The following UEVLD variants were observed in gnomAD, a reference collection of about 807,000 sequenced individuals.
UEVLD encodes UEV and lactate/malate dehyrogenase domains.
In UEVLD, 47 loss-of-function variants were observed where a neutral mutation model predicts 58.6. That is an observed-to-expected ratio of 0.80 (90% confidence interval 0.63 to 1.02). The LOEUF is 1.02. Among genes scored for constraint, UEVLD ranks in the 50% least tolerant of loss-of-function variants. The pLI is 0.00. For missense variants in UEVLD, 510 were observed against 550.6 expected (o/e 0.93, Z 0.74); for synonymous variants, 197 against 195.3 (o/e 1.01, Z -0.07).
chr11:18,584,512 T>A (rs947036396), intron 1 of UEVLD, among the ~76,000 whole-genome samples: 2 of 152,244 alleles, frequency 1.3e-5, no homozygotes, highest in African/African-American at 4.8e-5. Context: ...ACATACATTG[T>A]CCAATATGAT....
At chr11:18,581,305 T>C (rs773023176) in intron 1 of UEVLD, among the ~76,000 whole-genome samples, 4 of 152,050 alleles carry the variant, frequency 2.6e-5, no homozygotes, top group Non-Finnish European at 5.9e-5. Context: ...AAACTACAAA[T>C]TGACACAAAG....
chr11:18,542,076 T>C (rs1246674099), intron 9 of UEVLD, among the ~76,000 whole-genome samples: 12 of 152,168 alleles, frequency 7.9e-5, no homozygotes, highest in Non-Finnish European at 1.5e-5. Flanking sequence ...AATTTAATGG[T>C]TTGGTCAGAG....
At chr11:18,558,698 C>T (rs557571234) in intron 6 of UEVLD, among the ~76,000 whole-genome samples, 3 of 151,156 alleles carry the variant, frequency 2.0e-5, no homozygotes, top group South Asian at 2.1e-4. Context: ...GCAGGAGAAT[C>T]GCTTGAACCC....
chr11:18,588,612 C>G lies in UEVLD; in HGVS notation c.42+1G>C. 1 of 1,610,302 alleles carries G rather than the reference C, an allele frequency of 6.2e-7. No individual in the cohort carries two copies. ...AAACTGGCCCAGCGGACTGCCCGCA[C>G]CTTGCCAAGCAGCCGTCTCAGGCCC... On this transcript the variant is annotated splice_donor_variant, in intron 1 of 11. Transcript: ENST00000396197. LOFTEE classifies it high-confidence loss of function.
chr11:18,585,283 T>A (rs186614303), intron 1 of UEVLD, among the ~76,000 whole-genome samples: 1 of 152,210 alleles, frequency 6.6e-6, no homozygotes, highest in Non-Finnish European at 1.5e-5. Context: ...ACGGTTTGCA[T>A]ATTCTGAGCC....
At chr11:18,568,538 C>A (rs1300344687) in intron 4 of UEVLD, among the ~76,000 whole-genome samples, 1 of 152,070 alleles carries the variant, frequency 6.6e-6, no homozygotes, top group Non-Finnish European at 1.5e-5. Flanking sequence ...CCATTTTTGT[C>A]CTTCCAACTG....
At chr11:18,563,336 C>G (rs917510371) in intron 6 of UEVLD, among the ~76,000 whole-genome samples, 36 of 151,602 alleles carry the variant, frequency 2.4e-4, no homozygotes, top group African/African-American at 6.3e-4. Context: ...CATGCTTGTA[C>G]TCCCAGCACT....
chr11:18,567,030 GTCTT>G (rs1006120489), intron 4 of UEVLD, among the ~76,000 whole-genome samples: 50 of 152,078 alleles, frequency 3.3e-4, no homozygotes, highest in African/African-American at 1.2e-3. Context: ...TGCTTGTTTA[GTCTT>G]TCTCTCTCTA....
intron 7 of UEVLD, among the ~76,000 whole-genome samples, chr11:18,547,608 C>A (rs566797480): frequency 6.6e-6 from 1 of 152,196 alleles, no homozygotes; most frequent in South Asian, 2.1e-4. Flanking sequence ...AACCTACAAA[C>A]AAGAACTGAG....
chr11:18,558,361 A>G, intron 6 of UEVLD, 31 bp from the exon 7 acceptor site: 1 of 1,431,488 alleles, frequency 7.0e-7, no homozygotes, highest in Non-Finnish European at 9.6e-7. Context: ...CATTACACTG[A>G]ACATGGCCAG....
chr11:18,588,154 T>C (rs1426600689), intron 1 of UEVLD, among the ~76,000 whole-genome samples: 2 of 152,088 alleles, frequency 1.3e-5, no homozygotes, highest in African/African-American at 4.8e-5. Flanking sequence ...AAGATTACGG[T>C]TTGTAAATAC....
intron 4 of UEVLD, among the ~76,000 whole-genome samples, chr11:18,568,683 G>T (rs988150576): frequency 6.6e-6 from 1 of 151,862 alleles, no homozygotes; most frequent in Non-Finnish European, 1.5e-5. Context: ...TATGTCCTTT[G>T]TTTTTTCTAT....
At chr11:18,550,118 G>A (rs865826982) in intron 7 of UEVLD, among the ~76,000 whole-genome samples, 2 of 152,018 alleles carry the variant, frequency 1.3e-5, no homozygotes, top group African/African-American at 2.4e-5. Flanking sequence ...CACTGTGCCC[G>A]GCCTCCTTTG....
At chr11:18,545,158 T>C (rs1452660238) in intron 8 of UEVLD, among the ~76,000 whole-genome samples, 6 of 149,156 alleles carry the variant, frequency 4.0e-5, no homozygotes, top group African/African-American at 1.5e-4. Context: ...CTGCAACCTC[T>C]GCCTCCCGGG....
At chr11:18,567,801 G>A (rs1017868913) in intron 4 of UEVLD, among the ~76,000 whole-genome samples, 6 of 152,158 alleles carry the variant, frequency 3.9e-5, no homozygotes, top group Non-Finnish European at 8.8e-5. Flanking sequence ...ACTTAAAGGT[G>A]CTGCAGTACT....
At chr11:18,548,518 C>T (rs566630743) in intron 7 of UEVLD, among the ~76,000 whole-genome samples, 12 of 152,318 alleles carry the variant, frequency 7.9e-5, no homozygotes, top group African/African-American at 2.6e-4. Flanking sequence ...ACCTCTGCCT[C>T]CTGGGTTCAA....
chr11:18,536,405 C>G lies in UEVLD; in HGVS notation c.1124+1G>C. ...AAATGCAAATTTCCAGTCAGTGTTA[C>G]CTGTTGGACAGCTGCACTTGAGAGG... On this transcript the variant is annotated splice_donor_variant, in intron 10 of 11. Coordinates refer to ENST00000396197, the MANE Select transcript of UEVLD (RefSeq NM_001040697.4). LOFTEE classifies it high-confidence loss of function. 2 of 1,613,582 alleles carry G rather than the reference C, an allele frequency of 1.2e-6. No homozygotes were observed. The highest frequency in any genetic ancestry group is 1.7e-6 in the Non-Finnish European group (2 of 1,179,702).
chr11:18,542,356 A>G (rs780136938), intron 9 of UEVLD, among the ~76,000 whole-genome samples: 5 of 152,130 alleles, frequency 3.3e-5, no homozygotes, highest in Non-Finnish European at 7.4e-5. Context: ...CAAGTAATGA[A>G]TGAATGGAGA....
intron 6 of UEVLD, among the ~76,000 whole-genome samples, chr11:18,560,617 C>T (rs1851988924): frequency 6.6e-6 from 1 of 152,022 alleles, no homozygotes. Context: ...TCAGTAACAA[C>T]GAGACAATAT....
Sources: gnomAD v4.1 joint callset for allele counts (sites outside exome capture counted in the v4.1 genomes callset) on GRCh38, gnomAD v4.1.1 for gene constraint, MANE v1.5 for transcripts, NCBI Gene and HGNC (gene_info 2026-07-23, HGNC 2026-07-21) for gene names.